CNBD1: variants seen among roughly 807,000 people sequenced by gnomAD.
CNBD1 encodes the protein cyclic nucleotide-binding domain-containing protein 1.
In CNBD1, 71 loss-of-function variants were observed where a neutral mutation model predicts 54.4. The observed-to-expected ratio is 1.30, with a 90% confidence interval of 1.08 to 1.59. CNBD1 has a LOEUF of 1.59. Ranked by LOEUF, CNBD1 falls within the 40% of genes most tolerant of loss-of-function variation. CNBD1 has a pLI of 0.00. For synonymous variants in CNBD1, 182 were observed against 170.7 expected, an observed-to-expected ratio of 1.07 and a Z score of -0.51; for missense variants, 659 against 518.0, an observed-to-expected ratio of 1.27 and a Z score of -2.64.
At chr8:87,193,849 A>G (rs1334386301) in intron 4 of CNBD1, among the ~76,000 whole-genome samples, 1 of 152,212 alleles carries the variant, frequency 6.6e-6, no homozygotes, top group South Asian at 2.1e-4. Flanking sequence ...TTGCTAAGCT[A>G]TACCCAGTAA....
intron 4 of CNBD1, among the ~76,000 whole-genome samples, chr8:87,051,477 G>A (rs1008478470): frequency 6.6e-6 from 1 of 152,144 alleles, no homozygotes; most frequent in African/African-American, 2.4e-5. Context: ...GAAATCAGGG[G>A]TCTCACAGCC....
intron 4 of CNBD1, among the ~76,000 whole-genome samples, chr8:87,204,789 G>T (rs1182067742): frequency 6.6e-6 from 1 of 152,002 alleles, no homozygotes; most frequent in Non-Finnish European, 1.5e-5. Flanking sequence ...CTCCTGTTTG[G>T]CTGCTAAGTC....
chr8:87,270,349 A>G (rs1433600599), intron 6 of CNBD1, among the ~76,000 whole-genome samples: 1 of 152,008 alleles, frequency 6.6e-6, no homozygotes, highest in African/African-American at 2.4e-5. Context: ...GTGGCCAACA[A>G]GCATATGAAA....
chr8:87,229,092 C>G (rs1301193719), intron 5 of CNBD1, among the ~76,000 whole-genome samples: 2 of 152,198 alleles, frequency 1.3e-5, no homozygotes, highest in Non-Finnish European at 1.5e-5. Context: ...GAGGCAATGC[C>G]TCGCCCTGCT....
intron 4 of CNBD1, among the ~76,000 whole-genome samples, chr8:86,988,773 A>G (rs1420434266): frequency 6.6e-6 from 1 of 152,112 alleles, no homozygotes; most frequent in African/African-American, 2.4e-5. Context: ...AGAACATGTG[A>G]AGTTTGTTTT....
chr8:87,204,141 A>G (rs1813920522), intron 4 of CNBD1, among the ~76,000 whole-genome samples: 1 of 152,200 alleles, frequency 6.6e-6, no homozygotes, highest in African/African-American at 2.4e-5. Context: ...TCAATGAGTC[A>G]AAACTTTTTT....
rs547535957 is a variant in CNBD1 at position 87,178,674 on chromosome 8, G to A, written c.432-27319G>A. Among the ~76,000 whole-genome samples, 22 of 152,282 alleles carry A rather than the reference G, an allele frequency of 1.4e-4. 1 individual carries two copies. The South Asian group carries it at 2.1e-3, about 14-fold the overall frequency. On this transcript the variant is annotated intron_variant, in intron 4 of 10. Coordinates refer to ENST00000518476, the MANE Select transcript of CNBD1 (RefSeq NM_173538.3). ...GTAAACAGAGGGAATATTTAAGAGA[G>A]TACTACATTAATCCAGGTAAACAGT...
chr8:87,370,553 T>C (rs954938318), intron 10 of CNBD1, among the ~76,000 whole-genome samples: 5 of 152,232 alleles, frequency 3.3e-5, no homozygotes, highest in East Asian at 1.9e-4. Flanking sequence ...TCATGTCCTT[T>C]GCCCACTTTT....
At chr8:86,974,237 T>C (rs1808290975) in intron 4 of CNBD1, among the ~76,000 whole-genome samples, 1 of 151,960 alleles carries the variant, frequency 6.6e-6, no homozygotes, top group Non-Finnish European at 1.5e-5. Context: ...TGAAAAAAAA[T>C]TCAGAAGTGG....
chr8:87,133,136 T>C (rs1199505454), intron 4 of CNBD1, among the ~76,000 whole-genome samples: 2 of 151,852 alleles, frequency 1.3e-5, no homozygotes, highest in Non-Finnish European at 2.9e-5. Context: ...CTAAGATTCC[T>C]TTTTTTTCAT....
chr8:87,287,434 A>C (rs1275563194), intron 8 of CNBD1, among the ~76,000 whole-genome samples: 5 of 152,172 alleles, frequency 3.3e-5, no homozygotes, highest in African/African-American at 1.2e-4. Context: ...CCTCACAGCC[A>C]GTGAAGGAGC....
chr8:87,358,432 A>AT (rs1563568200), intron 10 of CNBD1, among the ~76,000 whole-genome samples: 3 of 152,212 alleles, frequency 2.0e-5, no homozygotes, highest in Admixed American at 6.6e-5. Flanking sequence ...CTCACTTAAT[A>AT]TTTTTTCTTT....
chr8:87,260,906 T>G (rs1339472651), intron 6 of CNBD1, among the ~76,000 whole-genome samples: 4 of 152,122 alleles, frequency 2.6e-5, no homozygotes, highest in Non-Finnish European at 5.9e-5. Context: ...ATCTAAAATA[T>G]TGGCTTTACT....
intron 1 of CNBD1, among the ~76,000 whole-genome samples, chr8:86,886,235 T>G (rs959639813): frequency 6.6e-6 from 1 of 152,162 alleles, no homozygotes; most frequent in African/African-American, 2.4e-5. Flanking sequence ...TGATTAAGAT[T>G]TTATATATCA....
intron 6 of CNBD1, among the ~76,000 whole-genome samples, chr8:87,262,017 G>A (rs898040881): frequency 4.6e-5 from 7 of 151,782 alleles, no homozygotes; most frequent in Non-Finnish European, 1.0e-4. Context: ...AGCCTGACGT[G>A]GTGGTGCATG....
intron 4 of CNBD1, among the ~76,000 whole-genome samples, chr8:87,054,538 C>CT (rs1474171778): frequency 6.6e-6 from 1 of 152,210 alleles, no homozygotes; most frequent in Non-Finnish European, 1.5e-5. Flanking sequence ...CCCCAGCTGA[C>CT]TTTACCCAAC....
At chr8:87,320,371 A>G (rs1022170697) in intron 8 of CNBD1, among the ~76,000 whole-genome samples, 1 of 152,098 alleles carries the variant, frequency 6.6e-6, no homozygotes, top group African/African-American at 2.4e-5. Context: ...TTAAGCTTGA[A>G]AAATAACTTA....
intron 4 of CNBD1, among the ~76,000 whole-genome samples, chr8:87,005,297 GA>G (rs1326145677): frequency 6.6e-6 from 1 of 151,844 alleles, no homozygotes; most frequent in African/African-American, 2.4e-5. Flanking sequence ...GTGAACCCAG[GA>G]GGCAGAGCTT....
chr8:87,018,827 T>C (rs1809422616), intron 4 of CNBD1, among the ~76,000 whole-genome samples: 1 of 152,158 alleles, frequency 6.6e-6, no homozygotes, highest in African/African-American at 2.4e-5. Context: ...GGGCCAGTTT[T>C]AAGGGATAAA....
Sources: gnomAD v4.1 joint callset for allele counts (sites outside exome capture counted in the v4.1 genomes callset) on GRCh38, gnomAD v4.1.1 for gene constraint, MANE v1.5 for transcripts, NCBI Gene and HGNC (gene_info 2026-07-23, HGNC 2026-07-21) for gene names.